The following PIAS1 variants were observed in gnomAD, a reference collection of about 807,000 sequenced individuals.
The protein encoded by PIAS1 is E3 SUMO-protein ligase PIAS1.
PIAS1 carries 6 observed loss-of-function variants against 71.3 expected under a neutral mutation model. The observed-to-expected ratio is 0.08, with a 90% CI of 0.05 to 0.17. The LOEUF (loss-of-function observed/expected upper bound fraction) is 0.17. Ranked by LOEUF, PIAS1 falls within the 10% of genes least tolerant of loss-of-function variation. PIAS1 has a pLI of 1.00. For synonymous variants in PIAS1, 303 were observed against 292.9 expected (o/e 1.03, Z -0.35); for missense variants, 555 against 793.6 (o/e 0.70, Z 3.61).
At chr15:68,183,704 C>A in intron 13 of PIAS1, 37 bp downstream of exon 13, 1 of 798,456 alleles carries the variant, frequency 1.3e-6, no homozygotes, top group Non-Finnish European at 2.1e-6. Context: ...TTTAATTGTA[C>A]ATTAAAAATA....
At chr15:68,102,685 AT>A (rs1362076266) in intron 2 of PIAS1, among the ~76,000 whole-genome samples, 1 of 152,002 alleles carries the variant, frequency 6.6e-6, no homozygotes, top group Non-Finnish European at 1.5e-5. Context: ...GTACTTAAAT[AT>A]TTTGTTTTTT....
At chr15:68,065,736 CTT>C (rs35947814) in intron 1 of PIAS1, among the ~76,000 whole-genome samples, 2,018 of 99,426 alleles carry the variant, frequency 0.02, 28 homozygotes, top group African/African-American at 0.077. Context: ...GCTTGAAGTA[CTT>C]TTTTTTTTTT....
intron 2 of PIAS1, among the ~76,000 whole-genome samples, chr15:68,130,964 A>T (rs752627924): frequency 1.3e-5 from 2 of 152,176 alleles, no homozygotes; most frequent in Non-Finnish European, 2.9e-5. Flanking sequence ...TTATTTAGTT[A>T]TCAAAATAAT....
intron 2 of PIAS1, among the ~76,000 whole-genome samples, chr15:68,138,082 T>C (rs1205025073): frequency 6.6e-6 from 1 of 152,142 alleles, no homozygotes; most frequent in African/African-American, 2.4e-5. Flanking sequence ...CACAGGAGTT[T>C]GAGGCTGCAG....
chr15:68,184,194 T>G (rs1454232228), intron 13 of PIAS1: 1 of 152,142 alleles, frequency 6.6e-6, no homozygotes, highest in Non-Finnish European at 1.5e-5. Flanking sequence ...AGAGGCCACA[T>G]CGAGTGACTG....
chr15:68,088,972 T>A (rs910670098), intron 2 of PIAS1, among the ~76,000 whole-genome samples: 10 of 152,176 alleles, frequency 6.6e-5, no homozygotes, highest in Non-Finnish European at 1.2e-4. Context: ...TAAAATCAAG[T>A]TTTTGAGAAC....
Position 68,147,502 on chromosome 15 carries a change from C to A in PIAS1, c.828+802C>A, listed in dbSNP as rs529542935. On this transcript the variant is annotated intron_variant, in intron 6 of 13. Transcript: ENST00000249636. ...AAATATTTGTTTCCAGTTTGTTGGC[C>A]TTTTATTTTTATGTTATTTAATATG... Among the ~76,000 whole-genome samples the A allele has an allele frequency of 2.0e-5, 3 of 151,726 alleles. No homozygotes were observed. In the South Asian group the frequency reaches 6.2e-4, roughly 32 times the overall value.
At chr15:68,132,930 A>G (rs1287734830) in intron 2 of PIAS1, among the ~76,000 whole-genome samples, 1 of 151,754 alleles carries the variant, frequency 6.6e-6, no homozygotes, top group African/African-American at 2.4e-5. Flanking sequence ...TGTCTCTCAT[A>G]GGTAATCATT....
At chr15:68,122,089 A>C (rs1003223726) in intron 2 of PIAS1, among the ~76,000 whole-genome samples, 2 of 152,174 alleles carry the variant, frequency 1.3e-5, no homozygotes, top group African/African-American at 4.8e-5. Flanking sequence ...AGATCGAGCC[A>C]CTGCACTCCT....
intron 1 of PIAS1, among the ~76,000 whole-genome samples, chr15:68,056,517 GT>G (rs968011775): frequency 1.5e-4 from 22 of 149,940 alleles, no homozygotes; most frequent in Non-Finnish European, 2.7e-4. Flanking sequence ...TCCAGAGGAA[GT>G]TTTTTTTTTC....
chr15:68,134,481 GGGC>G (rs1567057412), intron 2 of PIAS1, among the ~76,000 whole-genome samples: 2 of 54,464 alleles, frequency 3.7e-5, no homozygotes, highest in African/African-American at 7.8e-5. Context: ...GCGGCTGGCC[GGGC>G]GGGGGGCTGA....
intron 6 of PIAS1, 84 bp downstream of exon 6, chr15:68,146,784 A>C: frequency 2.1e-6 from 2 of 961,338 alleles, no homozygotes; most frequent in South Asian, 1.7e-5. Context: ...TATGTAAATT[A>C]TGTAAAATGA....
intron 2 of PIAS1, among the ~76,000 whole-genome samples, chr15:68,089,360 G>A (rs2092314403): frequency 6.6e-6 from 1 of 152,172 alleles, no homozygotes; most frequent in African/African-American, 2.4e-5. Context: ...TGGTTGTAAA[G>A]TAAGATGTTT....
Position 68,185,818 on chromosome 15 carries a change from T to TG in PIAS1, c.1663-1721dup, listed in dbSNP as rs1384115906. ...CTCTACTAAAAATACAAAAATTAGC[T>TG]GGGCGTGGTGCTACACGCCTGTAAT... On this transcript the variant is annotated intron_variant, in intron 13 of 13. Coordinates refer to ENST00000249636, the MANE Select transcript of PIAS1 (RefSeq NM_016166.3). This position sits in a 1 kb window ranked among gnomAD's most constrained non-coding sequence, Gnocchi z 4.4. Among the ~76,000 whole-genome samples, 1 of 151,978 alleles carries TG rather than the reference T, an allele frequency of 6.6e-6. No individual in the cohort carries two copies. The highest frequency in any genetic ancestry group is 2.4e-5 in the African/African-American group (1 of 41,364).
intron 1 of PIAS1, among the ~76,000 whole-genome samples, chr15:68,067,854 C>T (rs2092046172): frequency 6.6e-6 from 1 of 152,152 alleles, no homozygotes; most frequent in African/African-American, 2.4e-5. Context: ...CACCCTCATC[C>T]TCTCTTCCCC....
chr15:68,087,762 G>A (rs1436437752), intron 2 of PIAS1: 3 of 320,066 alleles, frequency 9.4e-6, no homozygotes, highest in East Asian at 8.3e-5. Flanking sequence ...CATTTTTTGC[G>A]AATTTTTGAG....
chr15:68,183,137 GTC>G (rs980226263), intron 12 of PIAS1, among the ~76,000 whole-genome samples: 1 of 152,212 alleles, frequency 6.6e-6, no homozygotes, highest in Non-Finnish European at 1.5e-5. Context: ...TGCCACTGCA[GTC>G]TGTCAGTTGA....
In PIAS1 at chr15:68,192,973, C is replaced by T. The variant is rs922222008; in HGVS notation, c.*5138C>T. 2 of 152,312 alleles carry T rather than the reference C, an allele frequency of 1.3e-5. No individual in the cohort carries two copies. Among genetic ancestry groups the T allele is most frequent in the African/African-American group, 4.8e-5 (2 of 41,450 alleles). 9.4% of individuals were successfully genotyped at this position (152,312 alleles called of 1,614,324 possible). ...ATCTCTGGCAGCACCAACCTGGCAC[C>T]TTCTAGCTGTGTAACTCACTCAAAG... On this transcript the variant is annotated 3_prime_UTR_variant, in exon 14 of 14. Transcript: ENST00000249636.
In PIAS1 at chr15:68,174,406, TTTTATC is replaced by T. The variant is rs1413396990; in HGVS notation, c.1169+516_1169+521del. ...AATTATTGCTTTTAACACCTCTTTG[TTTTATC>T]TATCCTACCAGACATCTTGGAATGT... On this transcript the variant is annotated intron_variant, in intron 9 of 13. Transcript: ENST00000249636. The surrounding 1 kb of genome is among the most constrained non-coding windows in gnomAD (Gnocchi z 4.0). Among the ~76,000 whole-genome samples, 1 of 152,214 alleles carries T rather than the reference TTTTATC, an allele frequency of 6.6e-6. No individual in the cohort carries two copies. Among genetic ancestry groups the T allele is most frequent in the African/African-American group, 2.4e-5 (1 of 41,456 alleles).
Sources: allele counts gnomAD v4.1 joint callset (sites outside exome capture counted in the v4.1 genomes callset), GRCh38; gene constraint gnomAD v4.1.1; non-coding constraint Gnocchi (gnomAD v3.1); transcripts MANE v1.5; gene names NCBI Gene and HGNC (gene_info 2026-07-23, HGNC 2026-07-21).